RALGAPA2: variants seen among roughly 807,000 people sequenced by gnomAD.
The protein encoded by RALGAPA2 is Ral GTPase activating protein catalytic subunit alpha 2.
In RALGAPA2, 139 loss-of-function variants were observed where a neutral mutation model predicts 230.4. The observed-to-expected ratio is 0.60, with a 90% CI of 0.53 to 0.69. RALGAPA2 has a LOEUF of 0.69. Among genes scored for constraint, RALGAPA2 ranks in the 30% least tolerant of loss-of-function variants. RALGAPA2 has a pLI of 0.00. For synonymous variants in RALGAPA2, 847 were observed against 837.8 expected (o/e 1.01, Z -0.19); for missense variants, 2,163 against 2,276.0 (o/e 0.95, Z 1.01).
chr20:20,458,287 A>G (rs966613438), intron 37 of RALGAPA2, among the ~76,000 whole-genome samples: 2 of 151,760 alleles, frequency 1.3e-5, no homozygotes, highest in African/African-American at 2.4e-5. Flanking sequence ...GAAAGCACTC[A>G]TATCTCTACT....
At position 20,392,184 on chromosome 20, in the gene RALGAPA2, A is replaced by T. The variant is rs2059614891; in HGVS notation, c.*1105T>A. On this transcript the variant is annotated 3_prime_UTR_variant, in exon 40 of 40. Transcript: ENST00000202677. ...TCATTCATTCATTCATTTTGTTTTTAAGAAAAAAAAACAACAACAACAAAA... is the reference window on the plus strand; with the variant it reads ...TCATTCATTCATTCATTTTGTTTTTTAGAAAAAAAAACAACAACAACAAAA... The T allele has an allele frequency of 6.6e-6, 1 of 151,196 alleles. No individual in the cohort carries two copies. Among genetic ancestry groups the T allele is most frequent in the Non-Finnish European group, 1.5e-5 (1 of 68,036 alleles). The allele number at this position is 151,196 out of a possible 1,614,324, so 9.4% of individuals were successfully genotyped here. A position where few individuals can be genotyped will look rare whatever the true frequency, so the allele number is the denominator to read the frequency against.
chr20:20,519,697 A>T (rs2062979405), intron 31 of RALGAPA2, among the ~76,000 whole-genome samples: 1 of 151,668 alleles, frequency 6.6e-6, no homozygotes, highest in South Asian at 2.1e-4. Flanking sequence ...GCTAGAAATG[A>T]CTCTTTCTTG....
chr20:20,534,648 T>C (rs1481118399), intron 26 of RALGAPA2, among the ~76,000 whole-genome samples: 1 of 152,116 alleles, frequency 6.6e-6, no homozygotes, highest in African/African-American at 2.4e-5. Flanking sequence ...AAGAAAATAT[T>C]AGACCTAGGT....
At chr20:20,441,910 T>A (rs1264612423) in intron 37 of RALGAPA2, among the ~76,000 whole-genome samples, 2 of 152,158 alleles carry the variant, frequency 1.3e-5, no homozygotes, top group Non-Finnish European at 2.9e-5. Context: ...AAGAAAGAAA[T>A]TCTATTGGAT....
chr20:20,553,252 G>A (rs1345905770), intron 23 of RALGAPA2, among the ~76,000 whole-genome samples: 1 of 152,182 alleles, frequency 6.6e-6, no homozygotes, highest in African/African-American at 2.4e-5. Flanking sequence ...TGCACCTGGA[G>A]AATCAAAATT....
intron 37 of RALGAPA2, among the ~76,000 whole-genome samples, chr20:20,420,278 G>A (rs1437132185): frequency 6.6e-6 from 1 of 152,200 alleles, no homozygotes; most frequent in African/African-American, 2.4e-5. Flanking sequence ...GAAGCAACAT[G>A]ATGTCACTTA....
intron 34 of RALGAPA2, among the ~76,000 whole-genome samples, chr20:20,504,129 G>C (rs1046660034): frequency 6.6e-6 from 1 of 152,072 alleles, no homozygotes; most frequent in Non-Finnish European, 1.5e-5. Context: ...AAAAGAAATA[G>C]AAGAATCTCT....
At chr20:20,590,985 T>C (rs1433094755) in intron 17 of RALGAPA2, among the ~76,000 whole-genome samples, 192 bp downstream of exon 17, 1 of 152,154 alleles carries the variant, frequency 6.6e-6, no homozygotes, top group Non-Finnish European at 1.5e-5. Flanking sequence ...TATATAAAAA[T>C]AATTTAGATA....
intron 23 of RALGAPA2, among the ~76,000 whole-genome samples, chr20:20,549,830 C>T (rs1268959813): frequency 6.6e-6 from 1 of 152,096 alleles, no homozygotes; most frequent in African/African-American, 2.4e-5. Flanking sequence ...TAATAAAAAT[C>T]TGAAACCTTC....
chr20:20,540,156 C>T (rs2063605213), intron 24 of RALGAPA2, among the ~76,000 whole-genome samples: 1 of 152,130 alleles, frequency 6.6e-6, no homozygotes, highest in African/African-American at 2.4e-5. Flanking sequence ...TATGGTAGTT[C>T]TATTTTTAAC....
chr20:20,463,616 T>C (rs890957858), intron 37 of RALGAPA2, among the ~76,000 whole-genome samples: 1 of 152,244 alleles, frequency 6.6e-6, no homozygotes, highest in African/African-American at 2.4e-5. Context: ...GAAGATTCCA[T>C]GTCTCTTCCT....
chr20:20,680,695 T>A lies in RALGAPA2; in HGVS notation c.213A>T (p.Leu71Phe). The A allele has an allele frequency of 6.5e-7, 1 of 1,549,570 alleles. No individual in the cohort carries two copies. The highest frequency in any genetic ancestry group is 8.7e-7 in the Non-Finnish European group (1 of 1,154,694). ...NFIALENSLK[L>F]KGNNKSQREE... ...AAAAACTACTGAAATGCTTACCTTT[T>A]AATTTCAAACTATTTTCCAGTGCTA... Residue 71 changes from leucine to phenylalanine, a missense_variant, in exon 2 of 40, where the codon TTA (leucine) becomes TTT (phenylalanine). By Grantham distance (22) the Leu-to-Phe change is conservative. Transcript: ENST00000202677.
intron 37 of RALGAPA2, among the ~76,000 whole-genome samples, chr20:20,448,212 A>C (rs983212178): frequency 1.3e-5 from 2 of 152,238 alleles, no homozygotes; most frequent in African/African-American, 4.8e-5. Context: ...TGAATACAAC[A>C]TGAATGTAGA....
At chr20:20,647,597 G>T (rs2067259366) in intron 4 of RALGAPA2, among the ~76,000 whole-genome samples, 1 of 152,066 alleles carries the variant, frequency 6.6e-6, no homozygotes, top group African/African-American at 2.4e-5. Context: ...ATCCATAAAA[G>T]AAAAAACTGA....
intron 36 of RALGAPA2, among the ~76,000 whole-genome samples, chr20:20,483,311 G>C (rs1392527590): frequency 6.6e-6 from 1 of 152,158 alleles, no homozygotes; most frequent in East Asian, 1.9e-4. Flanking sequence ...GTAACTGGTA[G>C]GGAATATTGC....
intron 1 of RALGAPA2, among the ~76,000 whole-genome samples, chr20:20,696,167 A>G (rs1266513540): frequency 6.6e-6 from 1 of 151,848 alleles, no homozygotes; most frequent in Non-Finnish European, 1.5e-5. Flanking sequence ...TCTTCTCATC[A>G]CTACTCGCTG....
chr20:20,522,694 T>A (rs1459738490), intron 30 of RALGAPA2, among the ~76,000 whole-genome samples: 1 of 152,250 alleles, frequency 6.6e-6, no homozygotes, highest in African/African-American at 2.4e-5. Flanking sequence ...CTGATGCAGT[T>A]TTCTGGAAGC....
At chr20:20,628,899 T>C (rs1205243142) in intron 10 of RALGAPA2, among the ~76,000 whole-genome samples, 1 of 152,154 alleles carries the variant, frequency 6.6e-6, no homozygotes, top group Non-Finnish European at 1.5e-5. Flanking sequence ...TCTTGTGCCA[T>C]AAATAATTCT....
chr20:20,587,729 T>C (rs900636720), intron 18 of RALGAPA2, among the ~76,000 whole-genome samples: 8 of 152,080 alleles, frequency 5.3e-5, no homozygotes, highest in African/African-American at 1.9e-4. Context: ...TGGAAGAAGA[T>C]ATTTGCTACA....
Sources: gnomAD v4.1 joint callset for allele counts (sites outside exome capture counted in the v4.1 genomes callset) on GRCh38, gnomAD v4.1.1 for gene constraint, MANE v1.5 for transcripts, NCBI Gene and HGNC (gene_info 2026-07-23, HGNC 2026-07-21) for gene names.